Variants in EIF3L observed in about 807,000 individuals in gnomAD.
The protein encoded by EIF3L is eukaryotic translation initiation factor 3 subunit L, also known as eIEF associated protein HSPC021.
EIF3L carries 32 observed loss-of-function variants against 74.6 expected under a neutral mutation model. That is an observed-to-expected ratio of 0.43 (90% CI 0.32 to 0.58). The LOEUF (loss-of-function observed/expected upper bound fraction) is 0.58, where lower values mean the gene tolerates loss of function less well. Ranked by LOEUF, EIF3L falls within the 20% of genes least tolerant of loss-of-function variation. The pLI is 0.06. For missense variants in EIF3L, 474 were observed against 707.8 expected, an observed-to-expected ratio of 0.67 and a Z score of 3.75; for synonymous variants, 256 against 254.4, an observed-to-expected ratio of 1.01 and a Z score of -0.06.
intron 11 of EIF3L, chr22:37,880,871 C>A (rs1269984897): frequency 6.6e-6 from 1 of 152,194 alleles, no homozygotes; most frequent in Non-Finnish European, 1.5e-5. Flanking sequence ...AGTCTGGCTT[C>A]TTTTGCTCAA....
chr22:37,866,956 A>G (rs1926183137), intron 7 of EIF3L, among the ~76,000 whole-genome samples: 1 of 152,192 alleles, frequency 6.6e-6, no homozygotes, highest in Admixed American at 6.6e-5. Flanking sequence ...GAATTATAAT[A>G]AATAGTAATA....
intron 9 of EIF3L, among the ~76,000 whole-genome samples, chr22:37,875,019 A>G (rs1209213071): frequency 6.7e-6 from 1 of 150,236 alleles, no homozygotes; most frequent in Non-Finnish European, 1.5e-5. Flanking sequence ...CTGGGATTAC[A>G]GGCGTGAGCC....
At chr22:37,861,412 G>A (rs1339523673) in intron 5 of EIF3L, among the ~76,000 whole-genome samples, 2 of 152,282 alleles carry the variant, frequency 1.3e-5, no homozygotes, top group East Asian at 1.9e-4. Flanking sequence ...CTGGCCAGGC[G>A]CTGTGGCTTA....
At chr22:37,863,241 G>C (rs1477616118) in intron 6 of EIF3L, 31 bp from the exon 7 acceptor site, 1 of 1,588,244 alleles carries the variant, frequency 6.3e-7, no homozygotes, top group African/African-American at 1.4e-5. Flanking sequence ...TCATTGCTTT[G>C]AATCTGACTT....
At chr22:37,852,918 C>T (rs1472846058) in intron 3 of EIF3L, among the ~76,000 whole-genome samples, 1 of 152,096 alleles carries the variant, frequency 6.6e-6, no homozygotes, top group Non-Finnish European at 1.5e-5. Flanking sequence ...GAAGGTGCAG[C>T]ATCGAGGTCT....
chr22:37,857,852 T>C (rs1303934417), intron 4 of EIF3L, among the ~76,000 whole-genome samples: 1 of 152,080 alleles, frequency 6.6e-6, no homozygotes, highest in Non-Finnish European at 1.5e-5. Flanking sequence ...TACTCTCAAT[T>C]GACTAAACAC....
rs34020382 is a variant in EIF3L, at chr22:37,859,374, C to CTTTTTTTTTTTTT, written c.435+643_435+655dup. ...CTAAATTATAGAGTACGTGAAGTTT[C>CTTTTTTTTTTTTT]TTTTTTTTTTTTTTTTTTTTTGAGA... On this transcript the variant is annotated intron_variant, in intron 5 of 12. Coordinates refer to ENST00000652021, the MANE Select transcript of EIF3L (RefSeq NM_016091.4). Among the ~76,000 whole-genome samples, 756 of 79,138 alleles carry CTTTTTTTTTTTTT rather than the reference C, an allele frequency of 9.6e-3. 137 individuals are homozygous for CTTTTTTTTTTTTT. Among genetic ancestry groups the CTTTTTTTTTTTTT allele is most frequent in the African/African-American group, 0.016 (287 of 17,628 alleles). 51.9% of individuals were successfully genotyped at this position (79,138 alleles called of 152,430 possible). A position where few individuals can be genotyped will look rare whatever the true frequency, so the allele number is the denominator to read the frequency against.
In EIF3L at chr22:37,874,477, T is replaced by TCCGCCTGC; in HGVS notation, c.859_860insCCGCCTGC (p.Tyr287SerfsTer16). 1 of 1,614,172 alleles carries TCCGCCTGC rather than the reference T, an allele frequency of 6.2e-7. No homozygotes were observed. Among genetic ancestry groups the TCCGCCTGC allele is most frequent in the Non-Finnish European group, 8.5e-7 (1 of 1,180,030 alleles). On this transcript the variant is annotated frameshift_variant, in exon 9 of 13. Transcript: ENST00000652021. LOFTEE classifies it high-confidence loss of function. ...CCGCCTGCACTCCCTGTTAGGAGAT[T>TCCGCCTGC]ACTACCAGGCCATCAAGGTGCTGGA...
intron 7 of EIF3L, 107 bp downstream of exon 7, chr22:37,863,452 T>A: frequency 1.1e-6 from 1 of 889,000 alleles, no homozygotes; most frequent in Non-Finnish European, 1.8e-6. Flanking sequence ...ATCCCCATTG[T>A]AGTGTAAAAT....
intron 6 of EIF3L, 21 bp downstream of exon 6, chr22:37,863,059 A>G (rs754108739): frequency 8.1e-6 from 13 of 1,606,472 alleles, no homozygotes; most frequent in South Asian, 7.7e-5. Context: ...GATTTGGCCA[A>G]GAGGGTGTGT....
chr22:37,886,569 A>T, intron 11 of EIF3L, 196 bp from the exon 12 acceptor site: 12 of 336,560 alleles, frequency 3.6e-5, no homozygotes, highest in Non-Finnish European at 5.1e-5. Flanking sequence ...CTCCATCTCA[A>T]AAAAAAAAAG....
At chr22:37,860,569 C>T (rs1925803122) in intron 5 of EIF3L, among the ~76,000 whole-genome samples, 1 of 152,136 alleles carries the variant, frequency 6.6e-6, no homozygotes, top group Non-Finnish European at 1.5e-5. Context: ...GACAGGGTTT[C>T]GCTATGTTGC....
intron 5 of EIF3L, among the ~76,000 whole-genome samples, chr22:37,861,724 C>G (rs1246026765): frequency 6.6e-6 from 1 of 152,010 alleles, no homozygotes; most frequent in African/African-American, 2.4e-5. Flanking sequence ...ACCATTGATG[C>G]TAAAGTTCAG....
intron 8 of EIF3L, among the ~76,000 whole-genome samples, chr22:37,872,788 T>G (rs1156444133): frequency 6.6e-6 from 1 of 151,804 alleles, no homozygotes. Flanking sequence ...CTGGCTGATT[T>G]TTTTTTCTTT....
chr22:37,861,889 G>GTTATCTTTTTATTAGCTACCAGGACTCT (rs1925877771), intron 5 of EIF3L, among the ~76,000 whole-genome samples: 2 of 152,306 alleles, frequency 1.3e-5, no homozygotes, highest in South Asian at 4.1e-4. Context: ...TATTGATGCT[G>GTTATCTTTTTATTAGCTACCAGGACTCT]TTATCTTTTT....
rs768906511 is a variant in EIF3L, at chr22:37,886,854, T to A, written c.1656+9T>A. 1.1e-5 allele frequency: 17 copies of A among 1,607,100 alleles called. No homozygotes were observed. Among genetic ancestry groups the A allele is most frequent in the Non-Finnish European group, 1.4e-5 (17 of 1,174,912 alleles). On this transcript the variant is annotated intron_variant, in intron 12 of 12. Transcript: ENST00000652021. ...TCCACAAATTTGAGGAGGTGAGAGA[T>A]CTGAGAGAAGAGGGGTTTGTTGGCT...
At chr22:37,850,899 G>A (rs1361881589) in intron 2 of EIF3L, among the ~76,000 whole-genome samples, 2 of 152,128 alleles carry the variant, frequency 1.3e-5, no homozygotes, top group Non-Finnish European at 2.9e-5. Context: ...ATATTTAAAA[G>A]GTGACAGTTA....
intron 8 of EIF3L, among the ~76,000 whole-genome samples, chr22:37,872,919 G>A (rs1926550748): frequency 2.0e-5 from 3 of 152,084 alleles, no homozygotes; most frequent in Non-Finnish European, 4.4e-5. Context: ...AACACTGTCA[G>A]TTATTTTCTT....
At position 37,851,348 on chromosome 22, in the gene EIF3L, G is replaced by A; in HGVS notation, c.151G>A (p.Val51Met). The A allele has an allele frequency of 6.2e-7, 1 of 1,614,158 alleles. No individual in the cohort carries two copies. The highest frequency in any genetic ancestry group is 8.5e-7 in the Non-Finnish European group (1 of 1,180,032). ...GCAAACCTATCAGGTGATCCCTGAG[G>A]TGATCAAAAACTTCATCCAGTATTT... ...EQQTYQVIPE[V>M]IKNFIQYFHK... The change falls in exon 3 of 13, where the codon GTG (valine) becomes ATG (methionine). Residue 51 changes from valine to methionine, a missense_variant. Physicochemically the swap from Val to Met is conservative, Grantham distance 21 (BLOSUM62 1). Around this residue, in one of 4 missense-constraint regions of EIF3L, gnomAD observed 141 missense variants for 197.7 expected, o/e 0.71. Transcript: ENST00000652021.
Sources: gnomAD v4.1 joint callset for allele counts (sites outside exome capture counted in the v4.1 genomes callset) on GRCh38, gnomAD v4.1.1 for gene constraint, gnomAD v4.1.1 regional missense constraint, MANE v1.5 for transcripts, NCBI Gene and HGNC (gene_info 2026-07-23, HGNC 2026-07-21) for gene names.